The following AGBL4 variants were observed in gnomAD, a reference collection of about 807,000 sequenced individuals.
AGBL4 encodes the protein AGBL carboxypeptidase 4.
AGBL4 carries 58 observed loss-of-function variants against 66.4 expected under a neutral mutation model. The observed-to-expected ratio is 0.87, with a 90% CI of 0.71 to 1.09. The LOEUF (loss-of-function observed/expected upper bound fraction) is 1.09. AGBL4 is among the 50% of genes least tolerant of loss of function. The probability of loss-of-function intolerance (pLI) is 0.00; values close to 1 mark genes in which losing one functional copy is unlikely to be tolerated. For missense variants in AGBL4, 579 were observed against 631.0 expected (o/e 0.92, Z 0.88); for synonymous variants, 234 against 222.9 (o/e 1.05, Z -0.44).
chr1:49,171,002 T>C (rs1164796488), intron 4 of AGBL4, among the ~76,000 whole-genome samples: 1 of 152,166 alleles, frequency 6.6e-6, no homozygotes, highest in East Asian at 1.9e-4. Flanking sequence ...AAGTGTTTCT[T>C]CTGACACATT....
In AGBL4 at chr1:48,620,067, C is replaced by G. The variant is rs114202509; in HGVS notation, c.951+14426G>C. On this transcript the variant is annotated intron_variant, in intron 9 of 13. Transcript: ENST00000371839. Reference sequence around the variant, plus strand: ...TCGGCTTGCCCTCCGAAGGTTAAACCGTAAAATCCACTCGGAATGAATTGA... The same window carrying G: ...TCGGCTTGCCCTCCGAAGGTTAAACGGTAAAATCCACTCGGAATGAATTGA... 4.8e-3 allele frequency among the ~76,000 whole-genome samples: 730 copies of G among 152,204 alleles called. 8 individuals are homozygous for G. The highest frequency in any genetic ancestry group is 0.017 in the African/African-American group (701 of 41,504).
At chr1:49,285,667 A>G (rs954914585) in intron 3 of AGBL4, among the ~76,000 whole-genome samples, 2 of 152,194 alleles carry the variant, frequency 1.3e-5, no homozygotes, top group African/African-American at 4.8e-5. Context: ...CAAATAGAAC[A>G]ATAAAAAATG....
chr1:48,758,526 A>G (rs989449348), intron 6 of AGBL4, among the ~76,000 whole-genome samples: 2 of 152,174 alleles, frequency 1.3e-5, no homozygotes, highest in Non-Finnish European at 2.9e-5. Context: ...AAACTAATAC[A>G]TGTTGTTAGG....
At chr1:48,798,302 T>C (rs1311073659) in intron 6 of AGBL4, among the ~76,000 whole-genome samples, 1 of 152,196 alleles carries the variant, frequency 6.6e-6, no homozygotes, top group African/African-American at 2.4e-5. Context: ...TTCATGTCCT[T>C]AGCCTACTTT....
intron 1 of AGBL4, among the ~76,000 whole-genome samples, chr1:49,967,985 A>C (rs1657712752): frequency 6.6e-6 from 1 of 152,120 alleles, no homozygotes; most frequent in Non-Finnish European, 1.5e-5. Flanking sequence ...GCACTTTGGG[A>C]GACTGAGGCA....
At chr1:49,889,992 C>G (rs189657255) in intron 1 of AGBL4, among the ~76,000 whole-genome samples, 1 of 152,044 alleles carries the variant, frequency 6.6e-6, no homozygotes, top group Non-Finnish European at 1.5e-5. Context: ...GAAAATTACA[C>G]GTATTGAACC....
At chr1:48,995,921 T>C (rs913450045) in intron 5 of AGBL4, among the ~76,000 whole-genome samples, 4 of 152,164 alleles carry the variant, frequency 2.6e-5, no homozygotes, top group Admixed American at 6.5e-5. Context: ...GAATGGATTC[T>C]AGGGGCAAGA....
At chr1:48,791,711 T>G (rs1645555421) in intron 6 of AGBL4, among the ~76,000 whole-genome samples, 2 of 152,194 alleles carry the variant, frequency 1.3e-5, no homozygotes, top group African/African-American at 4.8e-5. Context: ...TCTCATTTGT[T>G]GGATATGGAG....
At chr1:49,303,827 A>G (rs569394608) in intron 3 of AGBL4, among the ~76,000 whole-genome samples, 1 of 152,040 alleles carries the variant, frequency 6.6e-6, no homozygotes, top group South Asian at 2.1e-4. Flanking sequence ...CTGCTTTTTA[A>G]TGGGGTTGGT....
rs1645380996 is a variant in AGBL4 at position 49,622,478 on chromosome 1, A to C, written c.282+74835T>G. Among the ~76,000 whole-genome samples the C allele has an allele frequency of 2.0e-5, 3 of 150,646 alleles. No homozygotes were observed. The South Asian group carries it at 6.4e-4, about 32-fold the overall frequency. ...CCCCGTCTCTACTAAAAATACAAAA[A>C]ATTAGCCGGGCGTAGTGGCGGGCGC... On this transcript the variant is annotated intron_variant, in intron 3 of 13. Coordinates refer to ENST00000371839, the MANE Select transcript of AGBL4 (RefSeq NM_032785.4).
intron 5 of AGBL4, among the ~76,000 whole-genome samples, chr1:48,914,934 G>A (rs913325816): frequency 6.6e-6 from 1 of 152,118 alleles, no homozygotes; most frequent in African/African-American, 2.4e-5. Context: ...ACAATCACCT[G>A]CAAAGATTTA....
intron 1 of AGBL4, among the ~76,000 whole-genome samples, chr1:49,914,589 A>G (rs1651196217): frequency 6.6e-6 from 1 of 152,176 alleles, no homozygotes. Context: ...GCAATACAGG[A>G]TTCTTCTAGC....
chr1:49,616,958 C>A (rs748415745), intron 3 of AGBL4, among the ~76,000 whole-genome samples: 13 of 152,166 alleles, frequency 8.5e-5, no homozygotes, highest in Non-Finnish European at 1.8e-4. Flanking sequence ...TCCTAACTGG[C>A]TACTCTGTTT....
chr1:48,753,470 G>A (rs966470976), intron 6 of AGBL4, among the ~76,000 whole-genome samples: 1 of 152,196 alleles, frequency 6.6e-6, no homozygotes, highest in African/African-American at 2.4e-5. Context: ...AGAGACCTGG[G>A]CTTAAAGAAA....
At chr1:48,775,999 T>C (rs1645061333) in intron 6 of AGBL4, among the ~76,000 whole-genome samples, 1 of 152,012 alleles carries the variant, frequency 6.6e-6, no homozygotes. Flanking sequence ...CAGGAGAGTG[T>C]GGTGTGGAGC....
At chr1:48,691,690 C>A (rs974070873) in intron 6 of AGBL4, among the ~76,000 whole-genome samples, 1 of 152,216 alleles carries the variant, frequency 6.6e-6, no homozygotes, top group Non-Finnish European at 1.5e-5. Context: ...CCCTTACACT[C>A]ACCATGCATT....
intron 12 of AGBL4, among the ~76,000 whole-genome samples, chr1:48,537,934 C>T (rs1197495297): frequency 6.6e-6 from 1 of 152,212 alleles, no homozygotes; most frequent in Non-Finnish European, 1.5e-5. Flanking sequence ...CCCAGCACTT[C>T]CCTCCTGTCA....
intron 5 of AGBL4, among the ~76,000 whole-genome samples, chr1:48,950,813 C>T (rs985779036): frequency 2.0e-5 from 3 of 152,070 alleles, no homozygotes; most frequent in Non-Finnish European, 4.4e-5. Flanking sequence ...CTTGCTGTTG[C>T]TTTTATATTG....
chr1:49,611,458 C>T (rs1301310453), intron 3 of AGBL4, among the ~76,000 whole-genome samples: 1 of 144,848 alleles, frequency 6.9e-6, no homozygotes, highest in East Asian at 2.0e-4. Context: ...CTCACTGCAA[C>T]TCTGCCTCCT....
Sources: allele counts gnomAD v4.1 joint callset (sites outside exome capture counted in the v4.1 genomes callset), GRCh38; gene constraint gnomAD v4.1.1; transcripts MANE v1.5; gene names NCBI Gene and HGNC (gene_info 2026-07-23, HGNC 2026-07-21).